Variants in CLCF1 observed in about 807,000 individuals in gnomAD.
CLCF1 encodes the protein cardiotrophin-like cytokine factor 1.
In CLCF1, 10 loss-of-function variants were observed where a neutral mutation model predicts 21.2. The ratio of observed to expected loss-of-function variants is 0.47; its 90% CI spans 0.29 to 0.80. The LOEUF (loss-of-function observed/expected upper bound fraction) is 0.80. Ranked by LOEUF, CLCF1 falls within the 30% of genes least tolerant of loss-of-function variation. The pLI is 0.09. For synonymous variants in CLCF1, 115 were observed against 120.5 expected, an observed-to-expected ratio of 0.95 and a Z score of 0.30; for missense variants, 240 against 293.4, an observed-to-expected ratio of 0.82 and a Z score of 1.33.
intron 1 of CLCF1, chr11:67,369,364 G>A (rs1404873517): frequency 5.3e-6 from 5 of 935,926 alleles, no homozygotes; most frequent in Non-Finnish European, 6.1e-6. Flanking sequence ...ACAGAGAGTA[G>A]GGTCAGGCAC....
upstream of CLCF1, chr11:67,373,702 C>T (rs966679760): frequency 9.8e-6 from 12 of 1,219,388 alleles, no homozygotes; most frequent in African/African-American, 1.8e-4. Flanking sequence ...CGGTGTGGGA[C>T]ATTCTGCAAA....
At chr11:67,367,821 T>A (rs1163302177) in intron 1 of CLCF1, 195 bp from the exon 2 acceptor site, 2 of 985,176 alleles carry the variant, frequency 2.0e-6, no homozygotes, top group African/African-American at 1.7e-5. Flanking sequence ...ATGTGTATGT[T>A]TGAGGATGAG....
intron 1 of CLCF1, chr11:67,368,408 GA>G: frequency 1.0e-6 from 1 of 985,382 alleles, no homozygotes; most frequent in Non-Finnish European, 1.2e-6. Context: ...GGAAGGGAGA[GA>G]GGTGCATTTG....
chr11:67,367,204 TG>T (rs1411201824), intron 2 of CLCF1, among the ~76,000 whole-genome samples: 2 of 149,180 alleles, frequency 1.3e-5, no homozygotes, highest in African/African-American at 4.9e-5. Flanking sequence ...GGCGGGCGGC[TG>T]GGCTGGCAGC....
intron 1 of CLCF1, chr11:67,371,128 G>A (rs1259716185): frequency 1.7e-5 from 17 of 971,474 alleles, no homozygotes; most frequent in Non-Finnish European, 2.0e-5. Context: ...ACTGCCCCAG[G>A]GGCGTGTCCT....
rs1862088244 is a variant in CLCF1, at chr11:67,365,985, G to A, written c.184-355C>T. Among the ~76,000 whole-genome samples the A allele has an allele frequency of 6.6e-6, 1 of 152,212 alleles. No homozygotes were observed. The highest frequency in any genetic ancestry group is 2.4e-5 in the African/African-American group (1 of 41,452). On this transcript the variant is annotated intron_variant, in intron 2 of 2. Coordinates refer to ENST00000312438, the MANE Select transcript of CLCF1 (RefSeq NM_013246.3). This position sits in a 1 kb window ranked among gnomAD's most constrained non-coding sequence, Gnocchi z 5.0. ...CAGAGAGGAAGAGGAGCCTGGAGGA[G>A]CTGGAGAGGTAGAAGGTGGCCCAGG...
chr11:67,369,390 G>A (rs1315014432), intron 1 of CLCF1: 9 of 985,212 alleles, frequency 9.1e-6, no homozygotes, highest in Non-Finnish European at 1.1e-5. Flanking sequence ...TGCTCCCTGG[G>A]GAGACCAGCT....
chr11:67,373,129 G>A (rs1358527903), intron 1 of CLCF1, among the ~76,000 whole-genome samples: 3 of 138,134 alleles, frequency 2.2e-5, no homozygotes, highest in African/African-American at 5.3e-5. Flanking sequence ...GGGCTCCCCC[G>A]GCCTCCCTCC....
At chr11:67,373,713 CTTTTT>C, upstream of CLCF1, 1 of 1,041,250 alleles carries the variant, frequency 9.6e-7, no homozygotes, top group Non-Finnish European at 1.2e-6. Flanking sequence ...ATTCTGCAAA[CTTTTT>C]TTTTTTTTTT....
At chr11:67,370,863 A>T (rs1435063291) in intron 1 of CLCF1, 22 of 985,222 alleles carry the variant, frequency 2.2e-5, no homozygotes, top group Non-Finnish European at 2.7e-5. Context: ...GGACTATAAG[A>T]GCTACGCTAA....
At chr11:67,370,491 G>C (rs1008344196) in intron 1 of CLCF1, 3 of 980,612 alleles carry the variant, frequency 3.1e-6, no homozygotes, top group Admixed American at 6.4e-5. Context: ...TTATAAATCC[G>C]GCTGAGCACG....
intron 2 of CLCF1, among the ~76,000 whole-genome samples, 165 bp downstream of exon 2, chr11:67,367,295 G>A (rs1660705494): frequency 6.6e-6 from 1 of 152,182 alleles, no homozygotes; most frequent in South Asian, 2.1e-4. Flanking sequence ...AAGTGGGGGG[G>A]CCACCTAAGA....
At position 67,367,480 on chromosome 11, in the gene CLCF1, G is replaced by C. The variant is rs560558450; in HGVS notation, c.163C>G (p.Arg55Gly). Reference protein sequence around the residue: ...DLTRYLEHQLRSLAGTYLNYL... With the variant: ...DLTRYLEHQLGSLAGTYLNYL... The stretch of plus-strand genomic sequence containing the variant: ...CTCACATAGGTCCCAGCCAAGCTGC[G>C]GAGTTGGTGCTCCAGGTAGCGGGTG... The change falls in exon 2 of 3, where the codon CGC becomes GGC. Residue 55 changes from arginine (R) to glycine (G), a missense_variant. Physicochemically the swap from Arg to Gly is moderately radical, Grantham distance 125. Coordinates refer to ENST00000312438, the MANE Select transcript of CLCF1 (RefSeq NM_013246.3). 1.9e-6 allele frequency: 3 copies of C among 1,614,128 alleles called. No homozygotes were observed. In the African/African-American group the frequency reaches 4.0e-5, roughly 22 times the overall value.
At chr11:67,367,984 G>T (rs1054492560) in intron 1 of CLCF1, 4 of 985,040 alleles carry the variant, frequency 4.1e-6, no homozygotes, top group Admixed American at 1.2e-4. Flanking sequence ...ACTGCAGGTC[G>T]ACCTGCCTGT....
At chr11:67,367,957 C>G in intron 1 of CLCF1, 1 of 984,388 alleles carries the variant, frequency 1.0e-6, no homozygotes, top group Non-Finnish European at 1.2e-6. Flanking sequence ...CATGGAGGGA[C>G]GGGGCCAGGC....
chr11:67,365,254 A>G lies in CLCF1; in HGVS notation c.560T>C (p.Leu187Pro), dbSNP rs1862071031. 6.2e-7 allele frequency: 1 copy of G among 1,613,930 alleles called. No individual in the cohort carries two copies. The highest frequency in any genetic ancestry group is 8.5e-7 in the Non-Finnish European group (1 of 1,180,040). ...CAGCCAGGTCTGCAGCTCCTTCAGC[A>G]GCCAGAAGTCGTCCATCTTCTGGAG... ...DFLQKMDDFW[L>P]LKELQTWLWR... The change falls in exon 3 of 3, where the codon CTG (leucine) becomes CCG (proline). Residue 187 changes from leucine to proline, a missense_variant. Coordinates refer to ENST00000312438, the MANE Select transcript of CLCF1 (RefSeq NM_013246.3). This position sits in a 1 kb window ranked among gnomAD's most constrained non-coding sequence, Gnocchi z 5.0.
At chr11:67,370,202 G>A (rs1862198830) in intron 1 of CLCF1, 2 of 985,438 alleles carry the variant, frequency 2.0e-6, no homozygotes, top group African/African-American at 3.5e-5. Flanking sequence ...GGCAGCAGGA[G>A]GGAAAGCAGC....
Position 67,365,456 on chromosome 11 carries a change from G to A in CLCF1, c.358C>T (p.Leu120Phe), listed in dbSNP as rs140841317. The A allele has an allele frequency of 2.2e-5, 35 of 1,613,972 alleles. No individual in the cohort carries two copies. In the Middle Eastern group the frequency reaches 6.7e-4, roughly 31 times the overall value. The change falls in exon 3 of 3, where the codon CTC becomes TTC. Residue 120 changes from leucine to phenylalanine, a missense_variant. Coordinates refer to ENST00000312438, the MANE Select transcript of CLCF1 (RefSeq NM_013246.3). This position sits in a 1 kb window ranked among gnomAD's most constrained non-coding sequence, Gnocchi z 5.0. ...YSHLLCYLRGLNRQAATAELR... is the reference protein window; with the variant it reads ...YSHLLCYLRGFNRQAATAELR... Reference sequence around the variant, plus strand: ...TCAGCAGTGGCAGCCTGACGGTTGAGGCCACGCAAGTAACACAGAAGGTGG... The same window carrying A: ...TCAGCAGTGGCAGCCTGACGGTTGAAGCCACGCAAGTAACACAGAAGGTGG...
At position 67,368,726 on chromosome 11, in the gene CLCF1, G is replaced by C. The variant is rs953334701; in HGVS notation, c.17-1100C>G. The C allele has an allele frequency of 1.2e-5, 12 of 985,148 alleles. No individual in the cohort carries two copies. In the African/African-American group the frequency reaches 2.1e-4, roughly 17 times the overall value. The allele number at this position is 985,148 out of a possible 1,614,324, so 61.0% of individuals were successfully genotyped here. ...GGTTGATTTAGTGCGGTTGAGGTTT[G>C]AGTCCAGCAAGGATGTGGTGAGGTC... is the stretch of plus-strand genomic sequence containing the variant. On this transcript the variant is annotated intron_variant, in intron 1 of 2. Coordinates refer to ENST00000312438, the MANE Select transcript of CLCF1 (RefSeq NM_013246.3).
Sources: allele counts gnomAD v4.1 joint callset (sites outside exome capture counted in the v4.1 genomes callset), GRCh38; gene constraint gnomAD v4.1.1; non-coding constraint Gnocchi (gnomAD v3.1); transcripts MANE v1.5; gene names NCBI Gene and HGNC (gene_info 2026-07-23, HGNC 2026-07-21).